Variants in PLXDC2 observed in about 807,000 individuals in gnomAD.
PLXDC2 encodes plexin domain containing 2, also known as plexin domain-containing protein 2.
PLXDC2 carries 40 observed loss-of-function variants against 68.9 expected under a neutral mutation model. The observed-to-expected ratio is 0.58, with a 90% CI of 0.45 to 0.76. The LOEUF (loss-of-function observed/expected upper bound fraction) is 0.76, where lower values mean the gene tolerates loss of function less well. Ranked by LOEUF, PLXDC2 falls within the 30% of genes least tolerant of loss-of-function variation. The pLI, the probability that PLXDC2 is intolerant of heterozygous loss-of-function variation, is 0.00. For synonymous variants in PLXDC2, 243 were observed against 234.2 expected, an observed-to-expected ratio of 1.04 and a Z score of -0.34; for missense variants, 644 against 661.9, an observed-to-expected ratio of 0.97 and a Z score of 0.30.
At chr10:19,854,711 G>T (rs554168566) in intron 1 of PLXDC2, among the ~76,000 whole-genome samples, 1 of 152,050 alleles carries the variant, frequency 6.6e-6, no homozygotes, top group Non-Finnish European at 1.5e-5. Context: ...TTCCAGAAAC[G>T]CCAGTGTCTT....
intron 1 of PLXDC2, among the ~76,000 whole-genome samples, chr10:19,985,877 G>A (rs1834628035): frequency 6.6e-6 from 1 of 152,148 alleles, no homozygotes; most frequent in Non-Finnish European, 1.5e-5. Context: ...CTTTCTGCAA[G>A]GCCCTGGGGG....
chr10:20,054,503 C>G (rs1835960724), intron 3 of PLXDC2, among the ~76,000 whole-genome samples: 1 of 151,768 alleles, frequency 6.6e-6, no homozygotes, highest in Non-Finnish European at 1.5e-5. Context: ...GGAAAGATAG[C>G]TAGGTAGACA....
At chr10:19,978,457 G>A (rs913465843) in intron 1 of PLXDC2, among the ~76,000 whole-genome samples, 1 of 151,952 alleles carries the variant, frequency 6.6e-6, no homozygotes, top group Non-Finnish European at 1.5e-5. Flanking sequence ...AGAGTGTTGT[G>A]TTAAAAAGGA....
chr10:20,023,264 T>C (rs1034944965), intron 2 of PLXDC2, among the ~76,000 whole-genome samples: 6 of 152,018 alleles, frequency 3.9e-5, no homozygotes, highest in African/African-American at 1.4e-4. Context: ...CAAGTTATCC[T>C]CATTTATTCA....
intron 2 of PLXDC2, among the ~76,000 whole-genome samples, chr10:20,033,304 A>G (rs1268789428): frequency 1.3e-5 from 2 of 152,160 alleles, no homozygotes; most frequent in South Asian, 2.1e-4. Flanking sequence ...AGATGGAGAG[A>G]ATGTAGAACC....
chr10:19,983,329 A>G (rs1022255105), intron 1 of PLXDC2, among the ~76,000 whole-genome samples: 2 of 152,222 alleles, frequency 1.3e-5, no homozygotes, highest in Non-Finnish European at 2.9e-5. Flanking sequence ...CTTGCGAAAA[A>G]GAAAAAGAAA....
At chr10:20,120,210 G>T (rs188798998) in intron 4 of PLXDC2, among the ~76,000 whole-genome samples, 76 of 152,270 alleles carry the variant, frequency 5.0e-4, no homozygotes, top group Admixed American at 2.2e-3. Flanking sequence ...TCTGGTGTCT[G>T]GAATGAGACT....
intron 6 of PLXDC2, among the ~76,000 whole-genome samples, chr10:20,163,418 A>G (rs747439166): frequency 6.6e-6 from 1 of 150,584 alleles, no homozygotes; most frequent in African/African-American, 2.4e-5. Flanking sequence ...GTATTGTATT[A>G]TATTATATAT....
rs987725738 is a variant in PLXDC2, at chr10:19,835,876, A to G, written c.112+18685A>G. Reference sequence around the variant, plus strand: ...GGTGGATGACGTGCCAGCCTTTTAAAAAGCATGGCTGGGATCTGGGTGTGG... The same window carrying G: ...GGTGGATGACGTGCCAGCCTTTTAAGAAGCATGGCTGGGATCTGGGTGTGG... On this transcript the variant is annotated intron_variant, in intron 1 of 13. Coordinates refer to ENST00000377252, the MANE Select transcript of PLXDC2 (RefSeq NM_032812.9). Among the ~76,000 whole-genome samples, 6 of 152,232 alleles carry G rather than the reference A, an allele frequency of 3.9e-5. No homozygotes were observed. The South Asian group carries it at 6.2e-4, about 16-fold the overall frequency.
intron 1 of PLXDC2, among the ~76,000 whole-genome samples, chr10:19,865,160 A>G (rs1837390464): frequency 6.6e-6 from 1 of 152,144 alleles, no homozygotes; most frequent in South Asian, 2.1e-4. Flanking sequence ...AAGGCAGTGG[A>G]GGAGGAAAGT....
chr10:20,023,010 A>T (rs1835338525), intron 2 of PLXDC2, among the ~76,000 whole-genome samples: 1 of 151,270 alleles, frequency 6.6e-6, no homozygotes, highest in South Asian at 2.1e-4. Flanking sequence ...TGGAGCCTGG[A>T]TATTATTATA....
At position 20,037,142 on chromosome 10, in the gene PLXDC2, A is replaced by G. The variant is rs557285292; in HGVS notation, c.325-9727A>G. On this transcript the variant is annotated intron_variant, in intron 2 of 13. Coordinates refer to ENST00000377252, the MANE Select transcript of PLXDC2 (RefSeq NM_032812.9). ...CTAAAGCCTGAAACTTACAGTGCCT[A>G]TTTAGAGTCAGAAACTGTACTTCAA... 3.3e-4 allele frequency among the ~76,000 whole-genome samples: 51 copies of G among 152,314 alleles called. 1 individual carries two copies. In the South Asian group the frequency reaches 9.8e-3, roughly 29 times the overall value.
chr10:19,928,239 G>A (rs967886317), intron 1 of PLXDC2, among the ~76,000 whole-genome samples: 3 of 152,118 alleles, frequency 2.0e-5, no homozygotes, highest in Admixed American at 2.0e-4. Context: ...ATTGTGAATT[G>A]TGCTGCAATA....
At chr10:19,965,796 C>T (rs11011705) in intron 1 of PLXDC2, among the ~76,000 whole-genome samples, 35,176 of 151,406 alleles carry the variant, frequency 0.23, 4,194 homozygotes, top group East Asian at 0.3. Context: ...ACTTCAGACT[C>T]TGGCATGGCC....
intron 1 of PLXDC2, among the ~76,000 whole-genome samples, chr10:19,850,741 G>T (rs1259158190): frequency 6.6e-6 from 1 of 152,074 alleles, no homozygotes; most frequent in Non-Finnish European, 1.5e-5. Flanking sequence ...GAATTTTAAT[G>T]CATTTCCAAG....
chr10:19,952,609 C>T (rs937718322), intron 1 of PLXDC2, among the ~76,000 whole-genome samples: 7 of 152,182 alleles, frequency 4.6e-5, no homozygotes, highest in African/African-American at 1.4e-4. Flanking sequence ...AGAGCATTGC[C>T]TCCATCTTTT....
chr10:20,141,965 T>G (rs1834012722), intron 4 of PLXDC2, among the ~76,000 whole-genome samples: 1 of 152,050 alleles, frequency 6.6e-6, no homozygotes, highest in South Asian at 2.1e-4. Context: ...AAAATTTTTT[T>G]AGATGAATAG....
chr10:20,076,556 C>G (rs567976982), intron 4 of PLXDC2, among the ~76,000 whole-genome samples: 8 of 152,260 alleles, frequency 5.3e-5, no homozygotes, highest in African/African-American at 1.7e-4. Flanking sequence ...ATTTTTCCCC[C>G]ACTTACATTT....
chr10:19,859,244 A>AAAACAAAC (rs146784278), intron 1 of PLXDC2, among the ~76,000 whole-genome samples: 16,182 of 151,960 alleles, frequency 0.11, 950 homozygotes, highest in Middle Eastern at 0.13. Flanking sequence ...CACAGGGCAA[A>AAAACAAAC]AAACAAACAA....
Sources: gnomAD v4.1 joint callset for allele counts (sites outside exome capture counted in the v4.1 genomes callset) on GRCh38, gnomAD v4.1.1 for gene constraint, MANE v1.5 for transcripts, NCBI Gene and HGNC (gene_info 2026-07-23, HGNC 2026-07-21) for gene names.